Variants in MEOX2 observed in about 807,000 individuals in gnomAD.
MEOX2 encodes mesenchyme homeobox 2, also known as homeobox protein MOX-2.
A neutral mutation model predicts 27.0 loss-of-function variants in MEOX2; 11 were observed. The ratio of observed to expected loss-of-function variants is 0.41; its 90% CI spans 0.26 to 0.68. The LOEUF (loss-of-function observed/expected upper bound fraction) is 0.68, where lower values mean the gene tolerates loss of function less well. MEOX2 is among the 30% of genes least tolerant of loss of function. The pLI, the probability that MEOX2 is intolerant of heterozygous loss-of-function variation, is 0.33. For missense variants in MEOX2, 436 were observed against 385.4 expected, an observed-to-expected ratio of 1.13 and a Z score of -1.10; for synonymous variants, 189 against 155.4, an observed-to-expected ratio of 1.22 and a Z score of -1.61.
At chr7:15,673,726 T>A (rs2115392650) in intron 1 of MEOX2, among the ~76,000 whole-genome samples, 1 of 151,870 alleles carries the variant, frequency 6.6e-6, no homozygotes, top group African/African-American at 2.4e-5. Context: ...TCCATTAAAA[T>A]ATAGTCTAAA....
At chr7:15,638,055 G>A (rs557423479) in intron 1 of MEOX2, among the ~76,000 whole-genome samples, 9 of 151,956 alleles carry the variant, frequency 5.9e-5, no homozygotes, top group Non-Finnish European at 1.2e-4. Context: ...CATTTGACAC[G>A]TAACATTTAG....
chr7:15,655,909 T>C (rs1351388365), intron 1 of MEOX2, among the ~76,000 whole-genome samples: 4 of 151,772 alleles, frequency 2.6e-5, no homozygotes, highest in African/African-American at 9.7e-5. Context: ...TCCTTGCTAC[T>C]TTTCTGTCTA....
chr7:15,637,543 C>T (rs537032632), intron 1 of MEOX2, among the ~76,000 whole-genome samples: 26 of 152,008 alleles, frequency 1.7e-4, no homozygotes, highest in African/African-American at 3.9e-4. Context: ...CACACACACA[C>T]GCACACACAC....
At chr7:15,617,447 C>T (rs1001139122) in intron 2 of MEOX2, among the ~76,000 whole-genome samples, 2 of 151,796 alleles carry the variant, frequency 1.3e-5, no homozygotes, top group African/African-American at 4.8e-5. Flanking sequence ...AATTCATTAA[C>T]AAAGTAGCTG....
chr7:15,626,976 A>G (rs563767319), intron 1 of MEOX2, 58 bp from the exon 2 acceptor site: 43 of 1,516,966 alleles, frequency 2.8e-5, no homozygotes, highest in Non-Finnish European at 2.7e-6. Flanking sequence ...ACATGCAATC[A>G]TATTATTCAC....
At chr7:15,644,085 A>C (rs1209574884) in intron 1 of MEOX2, among the ~76,000 whole-genome samples, 4 of 152,262 alleles carry the variant, frequency 2.6e-5, no homozygotes, top group South Asian at 2.1e-4. Context: ...TCTTGGGTGC[A>C]TGAGAGTGTC....
intron 2 of MEOX2, among the ~76,000 whole-genome samples, chr7:15,614,450 A>G (rs1252836628): frequency 3.9e-5 from 6 of 151,940 alleles, no homozygotes; most frequent in Non-Finnish European, 1.5e-5. Flanking sequence ...AAACTGAGGT[A>G]CTTAATCAAT....
intron 2 of MEOX2, among the ~76,000 whole-genome samples, chr7:15,619,293 G>T (rs914267760): frequency 6.6e-6 from 1 of 151,970 alleles, no homozygotes; most frequent in African/African-American, 2.4e-5. Context: ...AAGGAATGCT[G>T]GGAGTGATCT....
chr7:15,622,156 A>G (rs1781231920), intron 2 of MEOX2, among the ~76,000 whole-genome samples: 1 of 152,130 alleles, frequency 6.6e-6, no homozygotes, highest in Non-Finnish European at 1.5e-5. Context: ...TTATTATATA[A>G]TTTAATATTT....
chr7:15,629,447 A>C (rs770729870), intron 1 of MEOX2, among the ~76,000 whole-genome samples: 2 of 152,068 alleles, frequency 1.3e-5, no homozygotes, highest in Non-Finnish European at 2.9e-5. Context: ...CCAAACCAAA[A>C]ATTGCTCACA....
chr7:15,612,081 T>C lies in MEOX2; in HGVS notation c.*306A>G, dbSNP rs749290380. 5.4e-6 allele frequency: 2 copies of C among 368,790 alleles called. No homozygotes were observed. The highest frequency in any genetic ancestry group is 2.0e-5 in the African/African-American group (1 of 49,382). The allele number at this position is 368,790 out of a possible 1,614,324, so 22.8% of individuals were successfully genotyped here. A position where few individuals can be genotyped will look rare whatever the true frequency, so the allele number is the denominator to read the frequency against. On this transcript the variant is annotated 3_prime_UTR_variant, in exon 3 of 3. Coordinates refer to ENST00000262041, the MANE Select transcript of MEOX2 (RefSeq NM_005924.5). Reference sequence around the variant, plus strand: ...ATAAAAAACCGTTCATAGTTTGCTCTTGATAGCAATTTAATTTTCAGTGCA... The same window carrying C: ...ATAAAAAACCGTTCATAGTTTGCTCCTGATAGCAATTTAATTTTCAGTGCA...
At chr7:15,629,524 C>T (rs2115362358) in intron 1 of MEOX2, among the ~76,000 whole-genome samples, 1 of 152,096 alleles carries the variant, frequency 6.6e-6, no homozygotes, top group South Asian at 2.1e-4. Flanking sequence ...CACAAAGAAC[C>T]ATTGAATTGT....
chr7:15,635,865 G>T (rs898201934), intron 1 of MEOX2, among the ~76,000 whole-genome samples: 8 of 151,918 alleles, frequency 5.3e-5, no homozygotes, highest in Admixed American at 3.3e-4. Flanking sequence ...AAGGAACCTG[G>T]GGAGGTGACA....
In MEOX2 at chr7:15,639,581, T is replaced by C. The variant is rs535042318; in HGVS notation, c.518-12663A>G. Among the ~76,000 whole-genome samples, 126 of 152,130 alleles carry C rather than the reference T, an allele frequency of 8.3e-4. 1 individual carries two copies. The Middle Eastern group carries it at 0.01, about 12-fold the overall frequency. ...AAAGTTCTTCCTAGATTTTCCTCTT[T>C]TTTTTATAGTTTTGGGTCTTATGTT... On this transcript the variant is annotated intron_variant, in intron 1 of 2. Transcript: ENST00000262041.
rs903037229 is a variant in MEOX2, at chr7:15,637,515, TAC to T, written c.518-10599_518-10598del. On this transcript the variant is annotated intron_variant, in intron 1 of 2. Transcript: ENST00000262041. ...TTACTCCTAAAATGTAATTTTCCAA[TAC>T]ACACACACACACACGCACACACACA... Among the ~76,000 whole-genome samples the T allele has an allele frequency of 3.5e-3, 522 of 149,960 alleles. 3 individuals are homozygous for T. Among genetic ancestry groups the T allele is most frequent in the African/African-American group, 0.012 (472 of 41,022 alleles).
At chr7:15,642,147 T>C (rs899736981) in intron 1 of MEOX2, among the ~76,000 whole-genome samples, 1 of 152,168 alleles carries the variant, frequency 6.6e-6, no homozygotes, top group Non-Finnish European at 1.5e-5. Flanking sequence ...AATTTCTGGA[T>C]ATTTACCTCT....
At chr7:15,675,645 G>A (rs145391097) in intron 1 of MEOX2, among the ~76,000 whole-genome samples, 6 of 152,278 alleles carry the variant, frequency 3.9e-5, no homozygotes, top group African/African-American at 1.4e-4. Context: ...ACTGGGTAGT[G>A]CCTTGAGGCT....
At chr7:15,666,069 T>C (rs769424615) in intron 1 of MEOX2, among the ~76,000 whole-genome samples, 8 of 152,096 alleles carry the variant, frequency 5.3e-5, no homozygotes, top group Non-Finnish European at 1.2e-4. Context: ...CAGGAAGGTA[T>C]TAACAGCTCT....
intron 1 of MEOX2, among the ~76,000 whole-genome samples, chr7:15,675,646 C>T (rs1193459141): frequency 6.6e-6 from 1 of 152,148 alleles, no homozygotes; most frequent in East Asian, 1.9e-4. Flanking sequence ...CTGGGTAGTG[C>T]CTTGAGGCTC....
Sources: gnomAD v4.1 joint callset for allele counts (sites outside exome capture counted in the v4.1 genomes callset) on GRCh38, gnomAD v4.1.1 for gene constraint, MANE v1.5 for transcripts, NCBI Gene and HGNC (gene_info 2026-07-23, HGNC 2026-07-21) for gene names.